The following EYS variants were observed in gnomAD, a reference collection of about 807,000 sequenced individuals.
The protein encoded by EYS is EGF-like photoreceptor maintenance factor, also known as protein eyes shut homolog.
Under a neutral mutation model 282.1 loss-of-function variants are expected in EYS, and 250 were observed. That is an observed-to-expected ratio of 0.89 (90% CI 0.80 to 0.98). The LOEUF (loss-of-function observed/expected upper bound fraction) is 0.98. Among genes scored for constraint, EYS ranks in the 50% least tolerant of loss-of-function variants. EYS has a pLI of 0.00. For missense variants in EYS, 4,016 were observed against 3,709.0 expected, an observed-to-expected ratio of 1.08 and a Z score of -2.15; for synonymous variants, 1,355 against 1,282.9, an observed-to-expected ratio of 1.06 and a Z score of -1.20.
chr6:64,457,469 T>C (rs2150482253), intron 26 of EYS, among the ~76,000 whole-genome samples: 2 of 152,158 alleles, frequency 1.3e-5, no homozygotes, highest in East Asian at 3.9e-4. Flanking sequence ...GCACTGAAAT[T>C]GCCTACTATT....
intron 26 of EYS, among the ~76,000 whole-genome samples, chr6:64,578,045 T>C (rs1386744127): frequency 6.6e-6 from 1 of 152,088 alleles, no homozygotes; most frequent in Admixed American, 6.6e-5. Flanking sequence ...CAGACTAGAC[T>C]GAGCCATGGC....
At chr6:65,135,264 A>T (rs1219401082) in intron 12 of EYS, among the ~76,000 whole-genome samples, 1 of 152,108 alleles carries the variant, frequency 6.6e-6, no homozygotes, top group Non-Finnish European at 1.5e-5. Flanking sequence ...ATATTTAGTC[A>T]GTTACATTCC....
intron 12 of EYS, among the ~76,000 whole-genome samples, chr6:65,219,648 AG>A (rs1381837642): frequency 6.6e-6 from 1 of 152,152 alleles, no homozygotes; most frequent in Non-Finnish European, 1.5e-5. Flanking sequence ...ATAGCACAGA[AG>A]TCAAAAACAA....
chr6:65,426,630 G>A (rs1055630143), intron 5 of EYS, among the ~76,000 whole-genome samples: 2 of 152,076 alleles, frequency 1.3e-5, no homozygotes, highest in Non-Finnish European at 2.9e-5. Flanking sequence ...TATCAAAGCT[G>A]ATTTTATAAA....
At chr6:64,635,079 G>C (rs972745524) in intron 22 of EYS, among the ~76,000 whole-genome samples, 12 of 151,758 alleles carry the variant, frequency 7.9e-5, no homozygotes, top group Non-Finnish European at 2.9e-5. Flanking sequence ...TATTCTCTTT[G>C]TAGCAATTGT....
chr6:64,703,427 ATATT>A lies in EYS; in HGVS notation c.3444-77186_3444-77183del, dbSNP rs1421645007. Among the ~76,000 whole-genome samples, 34 of 28,420 alleles carry A rather than the reference ATATT, an allele frequency of 1.2e-3. 1 individual carries two copies. Among genetic ancestry groups the A allele is most frequent in the African/African-American group, 3.3e-3 (33 of 10,090 alleles). The allele number at this position is 28,420 out of a possible 152,430, so 18.6% of individuals were successfully genotyped here. On this transcript the variant is annotated intron_variant, in intron 22 of 42. Coordinates refer to ENST00000503581, the MANE Select transcript of EYS (RefSeq NM_001142800.2). ...CACACACACATATATATATATATAT[ATATT>A]TTTTTTTTTTTTTTTTGAGATGGAG... is the stretch of plus-strand genomic sequence containing the variant.
rs139189384 is a variant in EYS, at chr6:64,218,302, C to T, written c.6424+12290G>A. On this transcript the variant is annotated intron_variant, in intron 31 of 42. Coordinates refer to ENST00000503581, the MANE Select transcript of EYS (RefSeq NM_001142800.2). The stretch of plus-strand genomic sequence containing the variant: ...CTAAAAAGCCTTACAATCATGACTC[C>T]TTCTTGTGTCCCTTTGAGATTTATT... Among the ~76,000 whole-genome samples the T allele has an allele frequency of 1.5e-4, 23 of 149,494 alleles. No individual in the cohort carries two copies. In the East Asian group the frequency reaches 3.9e-3, roughly 25 times the overall value.
At chr6:65,628,118 T>C (rs906533310) in intron 2 of EYS, among the ~76,000 whole-genome samples, 6 of 152,096 alleles carry the variant, frequency 3.9e-5, no homozygotes, top group Non-Finnish European at 8.8e-5. Flanking sequence ...GGACACTCTG[T>C]ATCTAGCTGC....
intron 31 of EYS, among the ~76,000 whole-genome samples, chr6:64,088,177 T>C (rs2150249836): frequency 6.6e-6 from 1 of 152,210 alleles, no homozygotes; most frequent in Middle Eastern, 3.4e-3. Flanking sequence ...AAAACAAGAC[T>C]AATTGGGGTT....
chr6:64,334,937 G>A lies in EYS; in HGVS notation c.6079-27855C>T, dbSNP rs115014878. 4.0e-3 allele frequency among the ~76,000 whole-genome samples: 603 copies of A among 152,118 alleles called. 3 individuals are homozygous for A. The highest frequency in any genetic ancestry group is 0.024 in the Middle Eastern group (7 of 294). On this transcript the variant is annotated intron_variant, in intron 29 of 42. Transcript: ENST00000503581. Reference sequence around the variant, plus strand: ...ATAATAGGCTTTGTGGCCATAATAGGTGTATGCCTAATGGTTCCCTGTCTC... The same window carrying A: ...ATAATAGGCTTTGTGGCCATAATAGATGTATGCCTAATGGTTCCCTGTCTC...
At chr6:64,372,622 T>C (rs1304473795) in intron 29 of EYS, among the ~76,000 whole-genome samples, 1 of 152,228 alleles carries the variant, frequency 6.6e-6, no homozygotes, top group Admixed American at 6.5e-5. Flanking sequence ...TCATGGATGA[T>C]ATCCTGAAAT....
intron 31 of EYS, among the ~76,000 whole-genome samples, chr6:64,220,860 G>A (rs1315940078): frequency 6.6e-6 from 1 of 152,060 alleles, no homozygotes; most frequent in African/African-American, 2.4e-5. Context: ...GAATTTACTG[G>A]CTGAGTAACC....
chr6:65,265,072 C>G (rs1411253406), intron 12 of EYS, among the ~76,000 whole-genome samples: 1 of 151,850 alleles, frequency 6.6e-6, no homozygotes, highest in African/African-American at 2.4e-5. Context: ...TGGGCAACAA[C>G]AGAAATTGGA....
chr6:64,127,464 T>A (rs1773822766), intron 31 of EYS, among the ~76,000 whole-genome samples: 1 of 152,186 alleles, frequency 6.6e-6, no homozygotes, highest in South Asian at 2.1e-4. Flanking sequence ...CTTTTATTGC[T>A]GTCTAATATT....
At chr6:64,419,772 C>A (rs187767720) in intron 28 of EYS, among the ~76,000 whole-genome samples, 3 of 152,350 alleles carry the variant, frequency 2.0e-5, no homozygotes, top group Admixed American at 2.0e-4. Context: ...GCCCCTGTGG[C>A]TTTGCAGGGT....
intron 22 of EYS, among the ~76,000 whole-genome samples, chr6:64,792,124 A>G (rs1280811939): frequency 6.6e-6 from 1 of 151,864 alleles, no homozygotes; most frequent in African/African-American, 2.4e-5. Flanking sequence ...TATTCAAACT[A>G]CTGTGAAGCC....
intron 14 of EYS, among the ~76,000 whole-genome samples, chr6:64,957,988 A>G (rs982426411): frequency 6.6e-6 from 1 of 152,148 alleles, no homozygotes; most frequent in African/African-American, 2.4e-5. Context: ...ATTTTAGCCT[A>G]TTTGACAGTT....
chr6:63,897,149 C>T (rs1163447401), intron 35 of EYS, among the ~76,000 whole-genome samples: 1 of 152,198 alleles, frequency 6.6e-6, no homozygotes, highest in African/African-American at 2.4e-5. Flanking sequence ...TAGTGTATAT[C>T]CTTCCAATTA....
intron 36 of EYS, among the ~76,000 whole-genome samples, chr6:63,862,502 C>G (rs1029906388): frequency 1.3e-5 from 2 of 152,032 alleles, no homozygotes; most frequent in African/African-American, 4.8e-5. Flanking sequence ...ATCCTTGCAT[C>G]TTTGAAACCC....
Sources: allele counts gnomAD v4.1 joint callset (sites outside exome capture counted in the v4.1 genomes callset), GRCh38; gene constraint gnomAD v4.1.1; transcripts MANE v1.5; gene names NCBI Gene and HGNC (gene_info 2026-07-23, HGNC 2026-07-21).